Variants in NTN4 observed in about 807,000 individuals in gnomAD.
NTN4 encodes the protein netrin-4.
NTN4 carries 32 observed loss-of-function variants against 73.6 expected under a neutral mutation model. The observed-to-expected ratio is 0.44, with a 90% CI of 0.33 to 0.58. The LOEUF (loss-of-function observed/expected upper bound fraction) is 0.58. Among genes scored for constraint, NTN4 ranks in the 20% least tolerant of loss-of-function variants. The pLI, the probability that NTN4 is intolerant of heterozygous loss-of-function variation, is 0.04. For missense variants in NTN4, 654 were observed against 798.3 expected (o/e 0.82, Z 2.18); for synonymous variants, 258 against 287.5 (o/e 0.90, Z 1.04).
At chr12:95,667,576 C>G (rs1228972533) in intron 8 of NTN4, among the ~76,000 whole-genome samples, 1 of 151,962 alleles carries the variant, frequency 6.6e-6, no homozygotes, top group Non-Finnish European at 1.5e-5. Context: ...AAATTAAGGC[C>G]AGGTGCAGGG....
intron 2 of NTN4, among the ~76,000 whole-genome samples, chr12:95,743,383 G>A (rs971252023): frequency 4.6e-5 from 7 of 151,890 alleles, no homozygotes; most frequent in African/African-American, 1.7e-4. Flanking sequence ...TTTCTTAAAG[G>A]GAAAACTTAG....
intron 8 of NTN4, among the ~76,000 whole-genome samples, chr12:95,667,863 A>AAAATAAATAAATAAATAAAT (rs71087991): frequency 0.012 from 1,817 of 148,282 alleles, 34 homozygotes; most frequent in African/African-American, 0.042. Flanking sequence ...CCATCTCTCA[A>AAAATAAATAAATAAATAAAT]AAATAAATAA....
At chr12:95,671,684 G>GT (rs1249555564) in intron 7 of NTN4, among the ~76,000 whole-genome samples, 1 of 152,110 alleles carries the variant, frequency 6.6e-6, no homozygotes, top group Non-Finnish European at 1.5e-5. Flanking sequence ...TGCCCAAAAG[G>GT]TTGGGGACCA....
chr12:95,753,435 A>G (rs2121224210), intron 2 of NTN4, among the ~76,000 whole-genome samples: 1 of 146,220 alleles, frequency 6.8e-6, no homozygotes, highest in Admixed American at 6.8e-5. Flanking sequence ...CTCTTAGTCT[A>G]AATAGACACT....
chr12:95,771,140 CT>C (rs2079056378), intron 2 of NTN4, among the ~76,000 whole-genome samples: 1 of 151,968 alleles, frequency 6.6e-6, no homozygotes, highest in Non-Finnish European at 1.5e-5. Flanking sequence ...CAGGCGCCTG[CT>C]ACCACGCCCG....
intron 2 of NTN4, among the ~76,000 whole-genome samples, chr12:95,751,930 C>T (rs994367855): frequency 6.9e-6 from 1 of 144,040 alleles, no homozygotes; most frequent in Non-Finnish European, 1.5e-5. Context: ...TGCCCAGTTC[C>T]CTTATTAGGC....
Position 95,781,841 on chromosome 12 carries a change from C to CA in NTN4, c.585+5097dup, listed in dbSNP as rs1305934802. ...TAGTATTTACCACACTCCGACATAA[C>CA]ACAGATTTTACTTATTTGCTCTCTA... is the stretch of plus-strand genomic sequence containing the variant. On this transcript the variant is annotated intron_variant, in intron 2 of 9. Coordinates refer to ENST00000343702, the MANE Select transcript of NTN4 (RefSeq NM_021229.4). The surrounding 1 kb of genome is among the most constrained non-coding windows in gnomAD (Gnocchi z 4.1). Among the ~76,000 whole-genome samples the CA allele has an allele frequency of 6.6e-6, 1 of 152,130 alleles. No homozygotes were observed. The highest frequency in any genetic ancestry group is 1.5e-5 in the Non-Finnish European group (1 of 68,008).
At chr12:95,749,178 G>A (rs997576818) in intron 2 of NTN4, among the ~76,000 whole-genome samples, 11 of 151,362 alleles carry the variant, frequency 7.3e-5, no homozygotes, top group East Asian at 1.9e-4. Flanking sequence ...ATCTCCCTTC[G>A]CTGACTCTCT....
intron 3 of NTN4, among the ~76,000 whole-genome samples, chr12:95,734,728 G>A (rs2078762484): frequency 6.6e-6 from 1 of 152,120 alleles, no homozygotes; most frequent in Admixed American, 6.6e-5. Flanking sequence ...GCTCAGTGAA[G>A]CAATCATAGG....
chr12:95,785,879 G>A (rs2079163771), intron 2 of NTN4, among the ~76,000 whole-genome samples: 3 of 152,144 alleles, frequency 2.0e-5, no homozygotes, highest in African/African-American at 4.8e-5. Flanking sequence ...TCGGTACATT[G>A]ACATTTTGAG....
intron 3 of NTN4, among the ~76,000 whole-genome samples, chr12:95,736,219 G>A (rs571274264): frequency 6.6e-6 from 1 of 152,256 alleles, no homozygotes; most frequent in East Asian, 1.9e-4. Flanking sequence ...GATTACAGGT[G>A]TGAGCCACTG....
intron 2 of NTN4, among the ~76,000 whole-genome samples, chr12:95,774,976 G>A (rs561138383): frequency 6.6e-6 from 1 of 152,210 alleles, no homozygotes; most frequent in Non-Finnish European, 1.5e-5. Flanking sequence ...TAGAAGTCAG[G>A]AAACACAGAT....
At chr12:95,672,158 A>G (rs1263297137) in intron 7 of NTN4, 1 of 456,188 alleles carries the variant, frequency 2.2e-6, no homozygotes, top group Non-Finnish European at 4.0e-6. Flanking sequence ...TTGTCTCTAC[A>G]AAAAAGATTA....
chr12:95,705,630 C>A (rs2078516880), intron 5 of NTN4, among the ~76,000 whole-genome samples: 1 of 152,174 alleles, frequency 6.6e-6, no homozygotes, highest in Non-Finnish European at 1.5e-5. Flanking sequence ...AACTTCAGGT[C>A]TCAGGTTCTC....
chr12:95,714,813 T>G (rs1410285268), intron 3 of NTN4, among the ~76,000 whole-genome samples: 1 of 152,186 alleles, frequency 6.6e-6, no homozygotes, highest in Non-Finnish European at 1.5e-5. Flanking sequence ...AAGGAGAATC[T>G]GTGAGCAAAG....
intron 3 of NTN4, among the ~76,000 whole-genome samples, chr12:95,730,528 A>T (rs1018195325): frequency 6.6e-6 from 1 of 152,230 alleles, no homozygotes; most frequent in Non-Finnish European, 1.5e-5. Context: ...CATCAGAAAC[A>T]GTAATCCTGG....
intron 2 of NTN4, among the ~76,000 whole-genome samples, chr12:95,752,747 C>T (rs1034559225): frequency 1.3e-5 from 2 of 152,178 alleles, no homozygotes; most frequent in Admixed American, 6.5e-5. Flanking sequence ...AGGACCACAC[C>T]GTGTAGCCTT....
intron 3 of NTN4, among the ~76,000 whole-genome samples, chr12:95,732,074 A>C (rs2078741153): frequency 6.6e-6 from 1 of 152,204 alleles, no homozygotes; most frequent in Non-Finnish European, 1.5e-5. Flanking sequence ...ACAGATGTAC[A>C]TTTCCAAACA....
At chr12:95,716,536 TTTC>T (rs1303476445) in intron 3 of NTN4, among the ~76,000 whole-genome samples, 12 of 152,138 alleles carry the variant, frequency 7.9e-5, no homozygotes, top group Non-Finnish European at 1.5e-4. Flanking sequence ...TTAAATATAC[TTTC>T]TTTTCTTCTC....
Sources: allele counts gnomAD v4.1 joint callset (sites outside exome capture counted in the v4.1 genomes callset), GRCh38; gene constraint gnomAD v4.1.1; non-coding constraint Gnocchi (gnomAD v3.1); transcripts MANE v1.5; gene names NCBI Gene and HGNC (gene_info 2026-07-23, HGNC 2026-07-21).